The following PPP1R13L variants were observed in gnomAD, a reference collection of about 807,000 sequenced individuals.
PPP1R13L encodes the protein relA-associated inhibitor.
Under a neutral mutation model 80.9 loss-of-function variants are expected in PPP1R13L, and 50 were observed. The observed-to-expected ratio is 0.62, with a 90% CI of 0.49 to 0.78. The LOEUF (loss-of-function observed/expected upper bound fraction) is 0.78, where lower values mean the gene tolerates loss of function less well. Among genes scored for constraint, PPP1R13L ranks in the 30% least tolerant of loss-of-function variants. The pLI, the probability that PPP1R13L is intolerant of heterozygous loss-of-function variation, is 0.00. For synonymous variants in PPP1R13L, 602 were observed against 534.3 expected, an observed-to-expected ratio of 1.13 and a Z score of -1.75; for missense variants, 1,200 against 1,205.9, an observed-to-expected ratio of 1.00 and a Z score of 0.07.
intron 8 of PPP1R13L, among the ~76,000 whole-genome samples, chr19:45,387,614 G>C (rs1032409266): frequency 8.5e-5 from 13 of 152,096 alleles, no homozygotes; most frequent in Non-Finnish European, 1.8e-4. Context: ...GAGTGCAGTG[G>C]TGCGATCTCA....
intron 8 of PPP1R13L, among the ~76,000 whole-genome samples, chr19:45,389,371 G>A (rs763833781): frequency 1.3e-5 from 2 of 152,116 alleles, no homozygotes; most frequent in Non-Finnish European, 2.9e-5. Flanking sequence ...GGAGTGTTCA[G>A]GACTGTTCCA....
In PPP1R13L at chr19:45,396,983, C is replaced by A; in HGVS notation, c.274G>T (p.Gly92Cys). ...RGSPRKAATD[G>C]ADTPFGRSES... is the part of the protein sequence containing the mutation. ...GATCGTCCGAACGGGGTGTCTGCGC[C>A]GTCGGTGGCCGCCTTCCGGGGGGAC... is the stretch of plus-strand genomic sequence containing the variant. Residue 92 changes from glycine (G) to cysteine (C), a missense_variant, in exon 4 of 13, where the codon GGC (glycine) becomes TGC (cysteine). By Grantham distance (159) the Gly-to-Cys change is radical (BLOSUM62 -3). This residue lies in a region of PPP1R13L where 764 missense variants were observed against 714.5 expected (regional missense o/e 1.07). Coordinates refer to ENST00000360957, the MANE Select transcript of PPP1R13L (RefSeq NM_006663.4). The surrounding 1 kb of genome is among the most constrained non-coding windows in gnomAD (Gnocchi z 5.3). The A allele has an allele frequency of 7.2e-7, 1 of 1,382,038 alleles. No individual in the cohort carries two copies. The highest frequency in any genetic ancestry group is 9.4e-7 in the Non-Finnish European group (1 of 1,068,050). The allele number at this position is 1,382,038 out of a possible 1,614,324, so 85.6% of individuals were successfully genotyped here.
At chr19:45,398,230 C>T (rs572823017) in intron 2 of PPP1R13L, 34 bp downstream of exon 2, 10 of 1,613,542 alleles carry the variant, frequency 6.2e-6, no homozygotes, top group Non-Finnish European at 8.5e-6. Flanking sequence ...CCGAGGTCCC[C>T]GCCTCGCCAG....
chr19:45,391,410 GAGA>G (rs1972969803), intron 8 of PPP1R13L, among the ~76,000 whole-genome samples: 1 of 152,204 alleles, frequency 6.6e-6, no homozygotes, highest in South Asian at 2.1e-4. Context: ...GGTTATTGGA[GAGA>G]AGGAGCAGAG....
At chr19:45,401,105 A>T (rs1387287744) in intron 1 of PPP1R13L, among the ~76,000 whole-genome samples, 2 of 150,546 alleles carry the variant, frequency 1.3e-5, no homozygotes, top group African/African-American at 4.9e-5. Context: ...AACATTTTGT[A>T]CACTTTGGGA....
chr19:45,386,020 G>T (rs765911986), intron 9 of PPP1R13L, 29 bp downstream of exon 9: 7 of 1,586,854 alleles, frequency 4.4e-6, no homozygotes, highest in Admixed American at 1.8e-5. Flanking sequence ...TGCCCCCGCC[G>T]TGCCCACCTC....
In PPP1R13L at chr19:45,385,581, G is replaced by A; in HGVS notation, c.2229C>T (p.Asp743=). 1 of 1,612,404 alleles carries A rather than the reference G, an allele frequency of 6.2e-7. No individual in the cohort carries two copies. The highest frequency in any genetic ancestry group is 8.5e-7 in the Non-Finnish European group (1 of 1,179,360). ...TCGCACCTGCCAGGTAGGTGGCGCA[G>A]TCAGCATAACCCTCGCGGTAAGGGT... ...KCDPYREGYA[D]CATYLADVEQ... is the part of the protein sequence containing the mutation. Residue 743 remains aspartate, a synonymous_variant, in exon 11 of 13, where the codon GAC becomes GAT. Coordinates refer to ENST00000360957, the MANE Select transcript of PPP1R13L (RefSeq NM_006663.4).
chr19:45,405,052 T>G lies in PPP1R13L; in HGVS notation c.-75A>C. The G allele has an allele frequency of 1.0e-6, 1 of 985,642 alleles. No individual in the cohort carries two copies. The highest frequency in any genetic ancestry group is 4.7e-5 in the South Asian group (1 of 21,256). 61.1% of individuals were successfully genotyped at this position (985,642 alleles called of 1,614,324 possible). ...GCTTCCTCCAGCTCGGGCTCCGGCT[T>G]GGGGAGCGGAGAACGGGGCGGGGCA... is the stretch of plus-strand genomic sequence containing the variant. On this transcript the variant is annotated 5_prime_UTR_variant, in exon 1 of 13. Transcript: ENST00000360957.
Position 45,385,880 on chromosome 19 carries a change from G to C in PPP1R13L, c.2025C>G (p.Ile675Met). The stretch of plus-strand genomic sequence containing the variant: ...CACCCGCGGTGATGAGGAAATCCAC[G>C]ATAGAGTAGTTGGCGCCGCAGATGG... Reference protein sequence around the residue: ...HNAICGANYSIVDFLITAGAN... With the variant: ...HNAICGANYSMVDFLITAGAN... The change falls in exon 10 of 13, where the codon ATC (isoleucine) becomes ATG (methionine). Residue 675 changes from isoleucine (I) to methionine (M), a missense_variant. Transcript: ENST00000360957. 1.2e-6 allele frequency: 2 copies of C among 1,611,124 alleles called. No homozygotes were observed. Among genetic ancestry groups the C allele is most frequent in the Non-Finnish European group, 1.7e-6 (2 of 1,178,812 alleles).
intron 8 of PPP1R13L, among the ~76,000 whole-genome samples, chr19:45,391,027 A>G: frequency 6.6e-6 from 1 of 152,010 alleles, no homozygotes; most frequent in Non-Finnish European, 1.5e-5. Context: ...GTGAAACCTC[A>G]TCTCTACTAA....
At chr19:45,400,983 A>G (rs1263293131) in intron 1 of PPP1R13L, among the ~76,000 whole-genome samples, 2 of 40,764 alleles carry the variant, frequency 4.9e-5, no homozygotes, top group Non-Finnish European at 7.3e-5. Context: ...TCACCATTTT[A>G]GCCGGGATGG....
Position 45,395,826 on chromosome 19 carries a change from G to A in PPP1R13L, c.964C>T (p.Arg322Trp), listed in dbSNP as rs1568559757. 1.3e-6 allele frequency: 2 copies of A among 1,595,316 alleles called. No individual in the cohort carries two copies. The highest frequency in any genetic ancestry group is 1.1e-5 in the South Asian group (1 of 88,328). ...CGGTAGCTGCCCGCGTCTGAACGCC[G>A]GTCGCTGGCCAGAGGAGAGACCTTG... ...NYKVSPLASD[R>W]RSDAGSYRRS... Residue 322 changes from arginine to tryptophan, a missense_variant, in exon 7 of 13, where the codon CGG becomes TGG. Arg to Trp is a moderately radical substitution (Grantham distance 101). Coordinates refer to ENST00000360957, the MANE Select transcript of PPP1R13L (RefSeq NM_006663.4).
Position 45,396,231 on chromosome 19 carries a change from C to G in PPP1R13L, c.840G>C (p.Ser280=). The G allele has an allele frequency of 3.7e-6, 6 of 1,610,056 alleles. No homozygotes were observed. Among genetic ancestry groups the G allele is most frequent in the Non-Finnish European group, 5.1e-6 (6 of 1,179,332 alleles). ...ERLDVFARPA[S]PSLQLLPWRE... ...TCCAAGGCAACAGCTGCAGGCTCGG[C>G]GAGGCAGGCCTTGCGAAGACGTCCA... Residue 280 remains serine, a synonymous_variant, in exon 6 of 13, where the codon TCG becomes TCC. Coordinates refer to ENST00000360957, the MANE Select transcript of PPP1R13L (RefSeq NM_006663.4). This position sits in a 1 kb window ranked among gnomAD's most constrained non-coding sequence, Gnocchi z 5.3.
intron 1 of PPP1R13L, among the ~76,000 whole-genome samples, chr19:45,403,153 G>A (rs1362894407): frequency 2.0e-5 from 3 of 152,202 alleles, no homozygotes; most frequent in Admixed American, 2.0e-4. Context: ...TGAGGATTGA[G>A]TGACATAATT....
Position 45,386,677 on chromosome 19 carries a change from C to CTGGAG in PPP1R13L, c.1816-502_1816-498dup, listed in dbSNP as rs1233681921. Among the ~76,000 whole-genome samples the CTGGAG allele has an allele frequency of 2.7e-5, 4 of 146,698 alleles. No individual in the cohort carries two copies. The East Asian group carries it at 8.0e-4, about 29-fold the overall frequency. ...ATGGAGTCTCGCTCTGTCACCCAGG[C>CTGGAG]TGGAGTGCAGTGCAGTGGTGTGATC... On this transcript the variant is annotated intron_variant, in intron 8 of 12. Transcript: ENST00000360957.
intron 11 of PPP1R13L, among the ~76,000 whole-genome samples, chr19:45,384,981 C>G (rs1972837757): frequency 6.6e-6 from 1 of 152,118 alleles, no homozygotes; most frequent in South Asian, 2.1e-4. Flanking sequence ...CTCACTCCAA[C>G]TCTCCGTGAA....
At chr19:45,393,502 G>C (rs1284510645) in intron 7 of PPP1R13L, among the ~76,000 whole-genome samples, 1 of 151,792 alleles carries the variant, frequency 6.6e-6, no homozygotes, top group Admixed American at 6.6e-5. Flanking sequence ...TGAGGTAGGA[G>C]AATCGCTTGA....
intron 1 of PPP1R13L, chr19:45,402,035 C>T (rs750376125): frequency 6.6e-6 from 1 of 152,204 alleles, no homozygotes; most frequent in Non-Finnish European, 1.5e-5. Context: ...GATGAAAGTT[C>T]ACCTCATAGG....
chr19:45,392,262 T>C lies in PPP1R13L; in HGVS notation c.1433A>G (p.Asp478Gly), dbSNP rs1277828859. Residue 478 changes from aspartate to glycine, a missense_variant, in exon 8 of 13, where the codon GAT (aspartate) becomes GGT (glycine). Asp to Gly is a moderately conservative substitution (Grantham distance 94). This residue lies in a region of PPP1R13L where 764 missense variants were observed against 714.5 expected (regional missense o/e 1.07). Coordinates refer to ENST00000360957, the MANE Select transcript of PPP1R13L (RefSeq NM_006663.4). ...GLLTPVLEAG[D>G]VDEGPVARPL... ...CCTTGCTACAGGGCCTTCATCCACA[T>C]CGCCAGCCTCCAGCACTGGTGTCAG... 1 of 1,613,366 alleles carries C rather than the reference T, an allele frequency of 6.2e-7. No homozygotes were observed. Among genetic ancestry groups the C allele is most frequent in the East Asian group, 2.2e-5 (1 of 44,862 alleles).
Sources: gnomAD v4.1 joint callset for allele counts (sites outside exome capture counted in the v4.1 genomes callset) on GRCh38, gnomAD v4.1.1 for gene constraint, gnomAD v4.1.1 regional missense constraint, Gnocchi (gnomAD v3.1) non-coding constraint, MANE v1.5 for transcripts, NCBI Gene and HGNC (gene_info 2026-07-23, HGNC 2026-07-21) for gene names.